KAT6A: variants seen among roughly 807,000 people sequenced by gnomAD.
KAT6A encodes lysine acetyltransferase 6A.
KAT6A carries 9 observed loss-of-function variants against 198.4 expected under a neutral mutation model. That is an observed-to-expected ratio of 0.05 (90% confidence interval 0.03 to 0.08). KAT6A has a LOEUF of 0.08. Ranked by LOEUF, KAT6A falls within the 10% of genes least tolerant of loss-of-function variation. The pLI is 1.00. For missense variants in KAT6A, 2,077 were observed against 2,509.9 expected (o/e 0.83, Z 3.69); for synonymous variants, 890 against 883.0 (o/e 1.01, Z -0.14).
At chr8:42,046,536 T>A (rs1280649545) in intron 2 of KAT6A, among the ~76,000 whole-genome samples, 1 of 152,040 alleles carries the variant, frequency 6.6e-6, no homozygotes, top group Non-Finnish European at 1.5e-5. Flanking sequence ...GTCTCAAAAA[T>A]AAATAAATAA....
At position 41,933,752 on chromosome 8, in the gene KAT6A, G is replaced by C. The variant is rs746209371; in HGVS notation, c.4468C>G (p.Pro1490Ala). 1.2e-6 allele frequency: 2 copies of C among 1,614,130 alleles called. No homozygotes were observed. Among genetic ancestry groups the C allele is most frequent in the Admixed American group, 3.3e-5 (2 of 60,022 alleles). Reference sequence around the variant, plus strand: ...CTGACCGAACGGACTGACTGGCTGGGGTGAGACTGAACGGAGGAGATAGGG... The same window carrying C: ...CTGACCGAACGGACTGACTGGCTGGCGTGAGACTGAACGGAGGAGATAGGG... ...NSPISSVQSH[P>A]SQSVRSVSSP... is the part of the protein sequence containing the mutation. The change falls in exon 17 of 17, where the codon CCC becomes GCC. Residue 1490 changes from proline to alanine, a missense_variant. This residue lies in a region of KAT6A where 178 missense variants were observed against 220.8 expected (regional missense o/e 0.81). Transcript: ENST00000265713. The surrounding 1 kb of genome is among the most constrained non-coding windows in gnomAD (Gnocchi z 6.2).
intron 2 of KAT6A, among the ~76,000 whole-genome samples, chr8:42,006,664 T>A (rs1372848649): frequency 6.6e-6 from 1 of 152,152 alleles, no homozygotes; most frequent in East Asian, 1.9e-4. Flanking sequence ...CTAGCAAGTA[T>A]AATAAATGAA....
At chr8:41,993,255 T>C (rs1232430361) in intron 2 of KAT6A, among the ~76,000 whole-genome samples, 1 of 152,194 alleles carries the variant, frequency 6.6e-6, no homozygotes, top group East Asian at 1.9e-4. Flanking sequence ...GGATAGACAG[T>C]TTAACCAAAT....
chr8:41,977,985 A>G (rs192282559), intron 6 of KAT6A, among the ~76,000 whole-genome samples: 24 of 152,378 alleles, frequency 1.6e-4, no homozygotes, highest in African/African-American at 1.2e-4. Context: ...AGACGTTTAC[A>G]TATCATCAAA....
intron 2 of KAT6A, among the ~76,000 whole-genome samples, chr8:42,033,688 A>G (rs1000420149): frequency 3.9e-5 from 6 of 152,062 alleles, no homozygotes; most frequent in Non-Finnish European, 1.5e-5. Context: ...ATTTTACTTC[A>G]TCAGAGCACT....
chr8:42,026,838 A>C (rs1187509191), intron 2 of KAT6A, among the ~76,000 whole-genome samples: 1 of 152,036 alleles, frequency 6.6e-6, no homozygotes, highest in African/African-American at 2.4e-5. Flanking sequence ...ACCTTGCCTT[A>C]TTCCAATTCT....
Position 41,957,516 on chromosome 8 carries a change from C to A in KAT6A, c.1483-2105G>T, listed in dbSNP as rs114099381. The A allele has an allele frequency of 2.1e-3, 635 of 308,712 alleles. 2 individuals carry two copies. Among genetic ancestry groups the A allele is most frequent in the African/African-American group, 0.013 (593 of 45,850 alleles). 19.1% of individuals were successfully genotyped at this position (308,712 alleles called of 1,614,324 possible). A position where few individuals can be genotyped will look rare whatever the true frequency, so the allele number is the denominator to read the frequency against. ...ACGTTTTCGCTAAACATGTGACTTT[C>A]CAAAGCAGCAGGTGTCTAATATAAT... On this transcript the variant is annotated intron_variant, in intron 8 of 16. Transcript: ENST00000265713.
chr8:41,946,904 A>G (rs1176999253), intron 11 of KAT6A, among the ~76,000 whole-genome samples: 1 of 152,112 alleles, frequency 6.6e-6, no homozygotes, highest in Non-Finnish European at 1.5e-5. Context: ...AAAAATATAT[A>G]ACAAAACAAT....
chr8:41,944,609 C>T (rs934125008), intron 12 of KAT6A, among the ~76,000 whole-genome samples: 2 of 152,116 alleles, frequency 1.3e-5, no homozygotes, highest in African/African-American at 4.8e-5. Flanking sequence ...GGTATTTTTA[C>T]TGTCATTAAA....
At chr8:41,997,366 T>C (rs909117120) in intron 2 of KAT6A, among the ~76,000 whole-genome samples, 1 of 152,108 alleles carries the variant, frequency 6.6e-6, no homozygotes, top group Non-Finnish European at 1.5e-5. Context: ...ATATGTTAAA[T>C]CTGGTATGCA....
At chr8:41,942,149 T>C (rs1276140849) in intron 14 of KAT6A, 2 of 205,678 alleles carry the variant, frequency 9.7e-6, no homozygotes, top group Admixed American at 6.0e-5. Flanking sequence ...TGAAGAAAAA[T>C]ACTGACAATG....
chr8:41,967,047 A>T (rs1823527282), intron 8 of KAT6A, among the ~76,000 whole-genome samples: 1 of 152,128 alleles, frequency 6.6e-6, no homozygotes, highest in Admixed American at 6.6e-5. Context: ...TCTTCACGCA[A>T]AGAAATTTTA....
intron 2 of KAT6A, among the ~76,000 whole-genome samples, chr8:42,013,112 T>G (rs918957989): frequency 6.6e-6 from 1 of 151,912 alleles, no homozygotes; most frequent in Admixed American, 6.6e-5. Flanking sequence ...TTCCTATATC[T>G]TGATTGTGGT....
At chr8:42,013,813 A>G (rs2150910387) in intron 2 of KAT6A, among the ~76,000 whole-genome samples, 1 of 152,374 alleles carries the variant, frequency 6.6e-6, no homozygotes, top group Non-Finnish European at 1.5e-5. Flanking sequence ...TTAGGAGGCA[A>G]GAACAATGAC....
chr8:42,010,280 G>C (rs1321066403), intron 2 of KAT6A, among the ~76,000 whole-genome samples: 3 of 152,126 alleles, frequency 2.0e-5, no homozygotes, highest in African/African-American at 7.2e-5. Context: ...ACTCCAGCCT[G>C]GGTGACTGGT....
At position 41,977,195 on chromosome 8, in the gene KAT6A, G is replaced by T. The variant is rs767795628; in HGVS notation, c.1176C>A (p.Phe392Leu). Residue 392 changes from phenylalanine to leucine, a missense_variant, in exon 7 of 17, where the codon TTC becomes TTA. Around this residue, in one of 13 missense-constraint regions of KAT6A, gnomAD observed 206 missense variants for 214.9 expected, o/e 0.96. Transcript: ENST00000265713. ...TCAAGGAGACATTGCTATCTCTGCA[G>T]AAGTCCAAGCCATCTATCCGCTCTA... The part of the protein sequence containing the change: ...GYLERIDGLD[F>L]CRDSNVSLKF... The T allele has an allele frequency of 1.2e-6, 2 of 1,614,180 alleles. No individual in the cohort carries two copies. The highest frequency in any genetic ancestry group is 1.7e-6 in the Non-Finnish European group (2 of 1,180,014).
At position 42,049,069 on chromosome 8, in the gene KAT6A, G is replaced by A. The variant is rs1205206398; in HGVS notation, c.-92C>T. 7 of 1,363,682 alleles carry A rather than the reference G, an allele frequency of 5.1e-6. No individual in the cohort carries two copies. Among genetic ancestry groups the A allele is most frequent in the Middle Eastern group, 2.2e-4 (1 of 4,528 alleles). The allele number at this position is 1,363,682 out of a possible 1,614,324, so 84.5% of individuals were successfully genotyped here. A position where few individuals can be genotyped will look rare whatever the true frequency, so the allele number is the denominator to read the frequency against. On this transcript the variant is annotated 5_prime_UTR_variant, in exon 2 of 17. It introduces an in-frame stop codon into an upstream open reading frame of the 5' UTR. Coordinates refer to ENST00000265713, the MANE Select transcript of KAT6A (RefSeq NM_006766.5). ...ATGGAAAACAAGATTCTCGGAGGCTGGGAACCAGTTAACCATAGCATATGA... is the reference window on the plus strand; with the variant it reads ...ATGGAAAACAAGATTCTCGGAGGCTAGGAACCAGTTAACCATAGCATATGA...
chr8:41,948,582 A>G (rs1026509104), intron 10 of KAT6A, among the ~76,000 whole-genome samples: 4 of 152,170 alleles, frequency 2.6e-5, no homozygotes, highest in Admixed American at 6.5e-5. Flanking sequence ...TGCCCACATT[A>G]GCTCCCAAGA....
chr8:42,037,559 G>C (rs1827441378), intron 2 of KAT6A, among the ~76,000 whole-genome samples: 1 of 152,172 alleles, frequency 6.6e-6, no homozygotes, highest in African/African-American at 2.4e-5. Context: ...GTCAACTACA[G>C]TTCACAATTC....
Sources: gnomAD v4.1 joint callset for allele counts (sites outside exome capture counted in the v4.1 genomes callset) on GRCh38, gnomAD v4.1.1 for gene constraint, gnomAD v4.1.1 regional missense constraint, Gnocchi (gnomAD v3.1) non-coding constraint, MANE v1.5 for transcripts, NCBI Gene and HGNC (gene_info 2026-07-23, HGNC 2026-07-21) for gene names.